The following CPED1 variants were observed in gnomAD, a reference collection of about 807,000 sequenced individuals.
CPED1 encodes the protein cadherin like and PC-esterase domain containing 1, also known as cadherin-like and PC-esterase domain-containing protein 1.
CPED1 carries 114 observed loss-of-function variants against 128.2 expected under a neutral mutation model. That is an observed-to-expected ratio of 0.89 (90% CI 0.76 to 1.04). CPED1 has a LOEUF of 1.04. Among genes scored for constraint, CPED1 ranks in the 50% least tolerant of loss-of-function variants. The pLI, the probability that CPED1 is intolerant of heterozygous loss-of-function variation, is 0.00. For missense variants in CPED1, 1,211 were observed against 1,207.1 expected (o/e 1.00, Z -0.05); for synonymous variants, 462 against 426.7 (o/e 1.08, Z -1.02).
At chr7:121,236,684 C>A in intron 16 of CPED1, 30 bp from the exon 17 acceptor site, 1 of 1,328,560 alleles carries the variant, frequency 7.5e-7, no homozygotes, top group East Asian at 2.4e-5. Context: ...TTAATTAATA[C>A]AACAACTAAT....
rs368768002 is a variant in CPED1 at position 121,201,484 on chromosome 7, CAGAGAG to C, written c.2056-35218_2056-35213del. Among the ~76,000 whole-genome samples, 502 of 141,078 alleles carry C rather than the reference CAGAGAG, an allele frequency of 3.6e-3. 3 individuals carry two copies. Among genetic ancestry groups the C allele is most frequent in the African/African-American group, 0.012 (475 of 38,050 alleles). The allele number at this position is 141,078 out of a possible 152,430, so 92.6% of individuals were successfully genotyped here. ...AGGGAGAGAGAGGGAGAGTGAGAGA[CAGAGAG>C]AGAGAGAGAGAAGGAAAGAAAGAGA... On this transcript the variant is annotated intron_variant, in intron 16 of 22. Coordinates refer to ENST00000310396, the MANE Select transcript of CPED1 (RefSeq NM_024913.5).
intron 16 of CPED1, among the ~76,000 whole-genome samples, chr7:121,205,859 G>A (rs1157608333): frequency 1.3e-5 from 2 of 152,014 alleles, no homozygotes; most frequent in African/African-American, 2.4e-5. Flanking sequence ...GAAAGCTGAA[G>A]GTTACCCAGC....
intron 16 of CPED1, among the ~76,000 whole-genome samples, chr7:121,228,833 A>T (rs1028428705): frequency 2.0e-5 from 3 of 152,072 alleles, no homozygotes; most frequent in African/African-American, 7.2e-5. Flanking sequence ...TTGTAGCAAC[A>T]TCGATGGAAC....
chr7:121,247,205 T>C (rs935690648), intron 18 of CPED1, among the ~76,000 whole-genome samples: 1 of 152,148 alleles, frequency 6.6e-6, no homozygotes, highest in Non-Finnish European at 1.5e-5. Flanking sequence ...TCCAGAATAA[T>C]CCCGTTGATG....
At chr7:121,141,864 C>A (rs1795912092) in intron 15 of CPED1, 109 bp from the exon 16 acceptor site, 1 of 784,798 alleles carries the variant, frequency 1.3e-6, no homozygotes, top group Non-Finnish European at 2.0e-6. Context: ...CAGACCTTTC[C>A]TGTTATTTAT....
chr7:121,068,433 G>A lies in CPED1; in HGVS notation c.616+4120G>A, dbSNP rs891126836. On this transcript the variant is annotated intron_variant, in intron 5 of 22. Coordinates refer to ENST00000310396, the MANE Select transcript of CPED1 (RefSeq NM_024913.5). ...AAAGATCAGATAGTTGTAGATATGT[G>A]GCATTATTTCTGAGGGCTCTGTTCT... Among the ~76,000 whole-genome samples the A allele has an allele frequency of 1.5e-3, 231 of 151,924 alleles. 2 individuals carry two copies. The highest frequency in any genetic ancestry group is 5.5e-3 in the African/African-American group (229 of 41,446).
chr7:121,151,193 A>G (rs1796151356), intron 16 of CPED1, among the ~76,000 whole-genome samples: 1 of 152,156 alleles, frequency 6.6e-6, no homozygotes, highest in African/African-American at 2.4e-5. Context: ...TGCCCCTTAG[A>G]ATATCTGATG....
chr7:121,064,201 A>G (rs1793764072), intron 4 of CPED1, 37 bp from the exon 5 acceptor site: 1 of 1,404,008 alleles, frequency 7.1e-7, no homozygotes, highest in African/African-American at 1.4e-5. Context: ...GCGTTGATGA[A>G]TGCCTCACTC....
intron 22 of CPED1, among the ~76,000 whole-genome samples, chr7:121,288,270 C>G (rs1237498483): frequency 6.6e-6 from 1 of 152,144 alleles, no homozygotes; most frequent in Non-Finnish European, 1.5e-5. Flanking sequence ...TAGGAAACAT[C>G]ATCTTTGATT....
intron 4 of CPED1, among the ~76,000 whole-genome samples, chr7:121,056,678 T>C (rs1019892346): frequency 3.1e-4 from 47 of 152,208 alleles, no homozygotes; most frequent in Non-Finnish European, 2.4e-4. Flanking sequence ...TCTCTAATCA[T>C]TTCTCCATTC....
At chr7:121,212,178 G>A (rs1378859996) in intron 16 of CPED1, among the ~76,000 whole-genome samples, 1 of 151,970 alleles carries the variant, frequency 6.6e-6, no homozygotes, top group Non-Finnish European at 1.5e-5. Flanking sequence ...TCAGAGTTTT[G>A]TAACTGATAC....
chr7:121,210,996 T>TG (rs1288962418), intron 16 of CPED1, among the ~76,000 whole-genome samples: 1 of 134,122 alleles, frequency 7.5e-6, no homozygotes, highest in African/African-American at 2.8e-5. Context: ...AAAGAAAAAG[T>TG]TAGTTTAGTT....
rs564323272 is a variant in CPED1 at position 121,294,165 on chromosome 7, G to A, written c.2869-1275G>A. On this transcript the variant is annotated intron_variant, in intron 22 of 22. Coordinates refer to ENST00000310396, the MANE Select transcript of CPED1 (RefSeq NM_024913.5). ...AATTATATGATTTCACTAGGACAAC[G>A]TTTGTAAAATGTACAAGTAGACTAC... Among the ~76,000 whole-genome samples the A allele has an allele frequency of 9.2e-5, 14 of 152,066 alleles. No individual in the cohort carries two copies. In the South Asian group the frequency reaches 1.7e-3, roughly 18 times the overall value.
chr7:121,042,452 T>C (rs770460650), intron 3 of CPED1, among the ~76,000 whole-genome samples: 12 of 152,158 alleles, frequency 7.9e-5, no homozygotes, highest in African/African-American at 9.7e-5. Flanking sequence ...GTAAAGCACA[T>C]GTAATAACAT....
chr7:121,192,162 T>C (rs1002498032), intron 16 of CPED1, among the ~76,000 whole-genome samples: 7 of 152,086 alleles, frequency 4.6e-5, no homozygotes, highest in Non-Finnish European at 1.0e-4. Context: ...ATTGGCTCTT[T>C]CTTGGGTCAT....
chr7:121,051,362 G>A, intron 4 of CPED1: 1 of 378,780 alleles, frequency 2.6e-6, no homozygotes, highest in Non-Finnish European at 4.7e-6. Flanking sequence ...TTTTTTAAAT[G>A]TAAATGCCTT....
intron 7 of CPED1, among the ~76,000 whole-genome samples, chr7:121,105,151 C>G (rs1379474958): frequency 6.6e-6 from 1 of 152,034 alleles, no homozygotes; most frequent in Non-Finnish European, 1.5e-5. Flanking sequence ...CAGAGGAGAA[C>G]TGTGGCAAAG....
intron 16 of CPED1, among the ~76,000 whole-genome samples, chr7:121,163,210 C>A (rs1796449797): frequency 6.6e-6 from 1 of 152,174 alleles, no homozygotes; most frequent in South Asian, 2.1e-4. Flanking sequence ...AACCTTCAAT[C>A]AAACATCTCT....
chr7:121,068,915 T>C (rs943905293), intron 5 of CPED1, among the ~76,000 whole-genome samples: 3 of 152,144 alleles, frequency 2.0e-5, no homozygotes, highest in African/African-American at 4.8e-5. Context: ...GGCTCTCTGT[T>C]TGTCTGTTGT....
Sources: allele counts gnomAD v4.1 joint callset (sites outside exome capture counted in the v4.1 genomes callset), GRCh38; gene constraint gnomAD v4.1.1; transcripts MANE v1.5; gene names NCBI Gene and HGNC (gene_info 2026-07-23, HGNC 2026-07-21).